TENM1: variants seen among roughly 807,000 people sequenced by gnomAD.
TENM1 encodes teneurin-1.
A neutral mutation model predicts 174.8 loss-of-function variants in TENM1; 35 were observed. The ratio of observed to expected loss-of-function variants is 0.20; its 90% CI spans 0.15 to 0.27. The LOEUF is 0.27. TENM1 is among the 10% of genes least tolerant of loss of function. TENM1 has a pLI of 1.00. For missense variants in TENM1, 1,633 were observed against 2,130.1 expected (o/e 0.77, Z 4.59); for synonymous variants, 781 against 798.7 (o/e 0.98, Z 0.37).
chrX:125,098,835 A>G, the TENM1 span, among the ~76,000 whole-genome samples: 1 of 112,137 alleles, frequency 8.9e-6, no homozygotes, highest in African/African-American at 3.2e-5. Flanking sequence ...TTGCAACAAC[A>G]TTTTAATTAC....
chrX:124,578,446 G>A (rs1268131213), intron 11 of TENM1, among the ~76,000 whole-genome samples: 2 of 111,339 alleles, frequency 1.8e-5, no homozygotes, highest in African/African-American at 3.3e-5. Context: ...TCCTGGTCTC[G>A]AATCCTAGCT....
At chrX:124,902,536 G>T (rs148796903) in intron 1 of TENM1, among the ~76,000 whole-genome samples, 128 of 112,237 alleles carry the variant, frequency 1.1e-3, no homozygotes, top group African/African-American at 4.0e-3. Context: ...CTGGCTCCAG[G>T]GAAAAATGCA....
the TENM1 span, among the ~76,000 whole-genome samples, chrX:125,091,010 C>A: frequency 9.0e-6 from 1 of 111,490 alleles, no homozygotes; most frequent in South Asian, 3.8e-4. Context: ...TTGAAAGCAA[C>A]TCAGTAACAT....
chrX:124,826,682 T>A (rs1223568641), intron 3 of TENM1, among the ~76,000 whole-genome samples: 1 of 111,857 alleles, frequency 8.9e-6, no homozygotes, highest in Non-Finnish European at 1.9e-5. Flanking sequence ...TTCTGGGTTG[T>A]GACAGAATAG....
At chrX:125,016,311 A>G in the TENM1 span, among the ~76,000 whole-genome samples, 1 of 110,869 alleles carries the variant, frequency 9.0e-6, no homozygotes, top group Non-Finnish European at 1.9e-5. Context: ...TATTTAGAAA[A>G]CCCCATCGTC....
At chrX:125,024,405 C>A in the TENM1 span, among the ~76,000 whole-genome samples, 10 of 108,121 alleles carry the variant, frequency 9.2e-5, no homozygotes, top group Admixed American at 9.9e-5. Context: ...ACACACACAC[C>A]CCTACTGAAA....
chrX:124,474,470 C>T (rs777426887), intron 22 of TENM1, among the ~76,000 whole-genome samples: 1 of 111,890 alleles, frequency 8.9e-6, no homozygotes, highest in East Asian at 2.8e-4. Context: ...TCTGTGCTTG[C>T]TAGAATCTGA....
chrX:124,403,445 G>A (rs1428584667), intron 27 of TENM1, among the ~76,000 whole-genome samples: 3 of 107,554 alleles, frequency 2.8e-5, no homozygotes, highest in Admixed American at 9.9e-5. Context: ...GCGTGAACCC[G>A]GGAGGCAGAG....
At chrX:124,799,769 A>G (rs764168636) in intron 3 of TENM1, among the ~76,000 whole-genome samples, 2 of 111,401 alleles carry the variant, frequency 1.8e-5, no homozygotes, top group East Asian at 2.8e-4. Context: ...ATTTTGAGAT[A>G]TGTTCCATTG....
At chrX:124,923,062 A>G (rs779393820) in intron 1 of TENM1, among the ~76,000 whole-genome samples, 16 of 112,119 alleles carry the variant, frequency 1.4e-4, no homozygotes, top group East Asian at 2.8e-4. Flanking sequence ...ATATTAGGTC[A>G]AGCTTCATAA....
the TENM1 span, among the ~76,000 whole-genome samples, chrX:125,032,459 C>T: frequency 5.4e-5 from 6 of 110,998 alleles, no homozygotes; most frequent in Non-Finnish European, 9.4e-5. Flanking sequence ...AGTGAGCCAC[C>T]GTGTCCAGCC....
chrX:124,915,221 T>C (rs2057901377), intron 1 of TENM1, among the ~76,000 whole-genome samples: 1 of 112,323 alleles, frequency 8.9e-6, no homozygotes, highest in Admixed American at 9.4e-5. Context: ...AACTCTCTAC[T>C]CCTACTAAAA....
the TENM1 span, among the ~76,000 whole-genome samples, chrX:125,148,489 T>C: frequency 9.0e-6 from 1 of 111,703 alleles, no homozygotes; most frequent in African/African-American, 3.3e-5. Flanking sequence ...TTCTCTGCTC[T>C]CTTCTTATTC....
the TENM1 span, among the ~76,000 whole-genome samples, chrX:125,117,773 G>T: frequency 9.0e-6 from 1 of 111,487 alleles, no homozygotes; most frequent in Admixed American, 9.5e-5. Context: ...TATACTATTG[G>T]TGGGAACATA....
chrX:124,431,704 T>C (rs1462821790), intron 23 of TENM1, among the ~76,000 whole-genome samples: 1 of 112,147 alleles, frequency 8.9e-6, no homozygotes, highest in Non-Finnish European at 1.9e-5. Flanking sequence ...ATGGCCTTTA[T>C]TGATCTTGCT....
chrX:125,058,987 T>TCACACA, the TENM1 span, among the ~76,000 whole-genome samples: 64 of 103,644 alleles, frequency 6.2e-4, no homozygotes, highest in African/African-American at 2.1e-3. Flanking sequence ...TTCATCATCA[T>TCACACA]CACACACACA....
the TENM1 span, among the ~76,000 whole-genome samples, chrX:125,187,011 C>T: frequency 5.4e-5 from 6 of 112,100 alleles, no homozygotes; most frequent in South Asian, 7.4e-4. Flanking sequence ...GCCTGTAATC[C>T]CAATGCTTTG....
At chrX:124,909,008 G>A (rs185252362) in intron 1 of TENM1, among the ~76,000 whole-genome samples, 4 of 110,699 alleles carry the variant, frequency 3.6e-5, no homozygotes, top group East Asian at 2.9e-4. Context: ...ATAGGCACCC[G>A]CCACCATGCT....
At chrX:124,400,583 C>T (rs1211921784) in intron 27 of TENM1, among the ~76,000 whole-genome samples, 1 of 112,120 alleles carries the variant, frequency 8.9e-6, no homozygotes, top group East Asian at 2.8e-4. Flanking sequence ...GCTAAGCCCC[C>T]TCCATTGTTT....
Sources: gnomAD v4.1 joint callset for allele counts (sites outside exome capture counted in the v4.1 genomes callset) on GRCh38, gnomAD v4.1.1 for gene constraint, MANE v1.5 for transcripts, NCBI Gene and HGNC (gene_info 2026-07-23, HGNC 2026-07-21) for gene names.